Variants in TRIM9 observed in about 807,000 individuals in gnomAD.
TRIM9 encodes tripartite motif containing 9.
Under a neutral mutation model 78.3 loss-of-function variants are expected in TRIM9, and 26 were observed. The ratio of observed to expected loss-of-function variants is 0.33; its 90% CI spans 0.24 to 0.46. The LOEUF is 0.46. Among genes scored for constraint, TRIM9 ranks in the 20% least tolerant of loss-of-function variants. The pLI, the probability that TRIM9 is intolerant of heterozygous loss-of-function variation, is 1.00. For synonymous variants in TRIM9, 398 were observed against 416.5 expected, an observed-to-expected ratio of 0.96 and a Z score of 0.54; for missense variants, 787 against 1,036.4, an observed-to-expected ratio of 0.76 and a Z score of 3.30.
chr14:50,978,210 T>A (rs1402679881), intron 12 of TRIM9, among the ~76,000 whole-genome samples: 1 of 152,170 alleles, frequency 6.6e-6, no homozygotes, highest in Admixed American at 6.5e-5. Context: ...AACACAACAA[T>A]GAATTTTGAT....
At chr14:51,071,975 G>A (rs1400262369) in intron 1 of TRIM9, among the ~76,000 whole-genome samples, 2 of 152,164 alleles carry the variant, frequency 1.3e-5, no homozygotes, top group Non-Finnish European at 2.9e-5. Context: ...GCAGCGTGAG[G>A]GAGCAGCATG....
chr14:51,079,600 T>C (rs1009759071), intron 1 of TRIM9, among the ~76,000 whole-genome samples: 1 of 152,196 alleles, frequency 6.6e-6, no homozygotes. Context: ...ATTACAATAA[T>C]CTATTGTTAG....
At chr14:51,038,426 G>A (rs2059334551) in intron 1 of TRIM9, among the ~76,000 whole-genome samples, 1 of 152,210 alleles carries the variant, frequency 6.6e-6, no homozygotes, top group South Asian at 2.1e-4. Context: ...TGAGAAGGCA[G>A]TTGGTTAAGA....
chr14:51,014,542 G>C (rs1172914201), intron 3 of TRIM9, among the ~76,000 whole-genome samples: 1 of 152,136 alleles, frequency 6.6e-6, no homozygotes, highest in African/African-American at 2.4e-5. Context: ...GAAGCATTTT[G>C]GGTGCCCTGT....
At chr14:51,022,805 T>G (rs1305958465) in intron 3 of TRIM9, 30 bp downstream of exon 3, 45 of 1,612,798 alleles carry the variant, frequency 2.8e-5, no homozygotes, top group Non-Finnish European at 3.8e-5. Flanking sequence ...GCTTGTTGGC[T>G]TTCTGCTCTT....
chr14:51,080,622 C>A (rs1444887311), intron 1 of TRIM9, among the ~76,000 whole-genome samples: 2 of 152,160 alleles, frequency 1.3e-5, no homozygotes, highest in Non-Finnish European at 2.9e-5. Context: ...GAGGGTTGAG[C>A]AAATGATCTT....
intron 1 of TRIM9, among the ~76,000 whole-genome samples, chr14:51,092,453 T>C (rs905175463): frequency 2.0e-5 from 3 of 152,248 alleles, no homozygotes; most frequent in Admixed American, 6.5e-5. Context: ...AACTCCACAG[T>C]TGGCCACTTG....
Position 51,094,492 on chromosome 14 carries a change from C to G in TRIM9, c.448G>C (p.Val150Leu), listed in dbSNP as rs1281903697. 3.1e-6 allele frequency: 5 copies of G among 1,613,714 alleles called. No homozygotes were observed. Among genetic ancestry groups the G allele is most frequent in the Non-Finnish European group, 4.2e-6 (5 of 1,179,940 alleles). The part of the protein sequence containing the change: ...RGLRGFPKNR[V>L]LEGVIDRYQQ... ...TAGCGGTCAATTACCCCTTCCAGTA[C>G]GCGATTCTTGGGGAAGCCGCGGAGC... The change falls in exon 1 of 13, where the codon GTA (valine) becomes CTA (leucine). Residue 150 changes from valine to leucine, a missense_variant. Transcript: ENST00000684578.
Position 51,078,179 on chromosome 14 carries a change from G to T in TRIM9, c.822+15939C>A, listed in dbSNP as rs2062975699. 3.3e-5 allele frequency among the ~76,000 whole-genome samples: 5 copies of T among 152,264 alleles called. No individual in the cohort carries two copies. In the South Asian group the frequency reaches 1.0e-3, roughly 32 times the overall value. On this transcript the variant is annotated intron_variant, in intron 1 of 12. Coordinates refer to ENST00000684578, the MANE Select transcript of TRIM9 (RefSeq NM_001387360.1). ...CAGTGAGGACGGAGCTCTAAACACA[G>T]ATCTAAATTCTTTAACATGGTTGGG...
At chr14:51,039,754 AC>A (rs1214013092) in intron 1 of TRIM9, among the ~76,000 whole-genome samples, 1 of 136,222 alleles carries the variant, frequency 7.3e-6, no homozygotes, top group East Asian at 2.0e-4. Flanking sequence ...TTTTAAATAA[AC>A]TTTTTTTTTT....
intron 1 of TRIM9, among the ~76,000 whole-genome samples, chr14:51,031,147 CAAAAAAAAA>C (rs1210514761): frequency 3.0e-5 from 3 of 100,768 alleles, no homozygotes; most frequent in East Asian, 2.7e-4. Context: ...AAACTCTTTC[CAAAAAAAAA>C]AAAAAAAAAG....
intron 1 of TRIM9, among the ~76,000 whole-genome samples, chr14:51,056,886 T>C (rs1272290837): frequency 2.0e-5 from 3 of 152,254 alleles, no homozygotes; most frequent in Non-Finnish European, 4.4e-5. Context: ...TTCCAGCTTC[T>C]GGAATCATGA....
chr14:51,088,431 T>C (rs892095323), intron 1 of TRIM9, among the ~76,000 whole-genome samples: 17 of 152,180 alleles, frequency 1.1e-4, no homozygotes, highest in African/African-American at 2.4e-4. Context: ...TATTTAACTA[T>C]GGAAAACTCG....
chr14:51,061,290 G>T (rs2061335127), intron 1 of TRIM9, among the ~76,000 whole-genome samples: 1 of 151,960 alleles, frequency 6.6e-6, no homozygotes, highest in Admixed American at 6.6e-5. Context: ...GTGGGCACCT[G>T]TAATCCCAGC....
intron 12 of TRIM9, chr14:50,979,122 A>G (rs2051458147): frequency 7.2e-7 from 1 of 1,394,320 alleles, no homozygotes; most frequent in African/African-American, 1.4e-5. Context: ...AGCTACAGAG[A>G]TGATCATTAG....
intron 1 of TRIM9, among the ~76,000 whole-genome samples, chr14:51,060,195 T>G (rs2140148427): frequency 6.6e-6 from 1 of 152,356 alleles, no homozygotes; most frequent in East Asian, 1.9e-4. Context: ...GTCATATTAT[T>G]TATGTGGTGA....
chr14:51,013,022 C>A (rs995620200), intron 3 of TRIM9, among the ~76,000 whole-genome samples: 1 of 152,148 alleles, frequency 6.6e-6, no homozygotes, highest in African/African-American at 2.4e-5. Flanking sequence ...TCCTTTGAGA[C>A]ACAACTATTT....
chr14:50,977,160 AG>A lies in TRIM9; in HGVS notation c.*130del. 1.7e-6 allele frequency: 1 copy of A among 588,510 alleles called. No homozygotes were observed. Among genetic ancestry groups the A allele is most frequent in the Non-Finnish European group, 2.7e-6 (1 of 376,732 alleles). 36.5% of individuals were successfully genotyped at this position (588,510 alleles called of 1,614,324 possible). A position where few individuals can be genotyped will look rare whatever the true frequency, so the allele number is the denominator to read the frequency against. Reference sequence around the variant, plus strand: ...AGAGCTGTGGGTGTAAAGACTGCAGAGGACCAGCTTTTCTCTCCTCCTTCTC... The same window carrying A: ...AGAGCTGTGGGTGTAAAGACTGCAGAGACCAGCTTTTCTCTCCTCCTTCTC... On this transcript the variant is annotated 3_prime_UTR_variant, in exon 13 of 13. Coordinates refer to ENST00000684578, the MANE Select transcript of TRIM9 (RefSeq NM_001387360.1).
chr14:51,074,838 C>T (rs908300055), intron 1 of TRIM9, among the ~76,000 whole-genome samples: 2 of 152,194 alleles, frequency 1.3e-5, no homozygotes, highest in Admixed American at 1.3e-4. Context: ...CTGTGGAGCC[C>T]CCAGGGCACT....
Sources: allele counts gnomAD v4.1 joint callset (sites outside exome capture counted in the v4.1 genomes callset), GRCh38; gene constraint gnomAD v4.1.1; transcripts MANE v1.5; gene names NCBI Gene and HGNC (gene_info 2026-07-23, HGNC 2026-07-21).